Variants in ZNF385D observed in about 807,000 individuals in gnomAD.
The protein encoded by ZNF385D is zinc finger protein 659.
ZNF385D carries 15 observed loss-of-function variants against 35.8 expected under a neutral mutation model. That is an observed-to-expected ratio of 0.42 (90% CI 0.28 to 0.64). The LOEUF (loss-of-function observed/expected upper bound fraction) is 0.64, where lower values mean the gene tolerates loss of function less well. Ranked by LOEUF, ZNF385D falls within the 30% of genes least tolerant of loss-of-function variation. ZNF385D has a pLI of 0.23. For synonymous variants in ZNF385D, 212 were observed against 186.8 expected, an observed-to-expected ratio of 1.13 and a Z score of -1.10; for missense variants, 474 against 494.6, an observed-to-expected ratio of 0.96 and a Z score of 0.39.
intron 1 of ZNF385D, among the ~76,000 whole-genome samples, chr3:21,729,855 C>T (rs1174284985): frequency 1.3e-5 from 2 of 152,160 alleles, no homozygotes; most frequent in Non-Finnish European, 2.9e-5. Context: ...AATAAATCAC[C>T]AGATGACTTT....
chr3:21,597,662 T>C (rs1316169460), intron 2 of ZNF385D, among the ~76,000 whole-genome samples: 10 of 152,156 alleles, frequency 6.6e-5, no homozygotes, highest in Non-Finnish European at 1.5e-4. Context: ...AGATGGAATG[T>C]AAAAGATATA....
intron 2 of ZNF385D, among the ~76,000 whole-genome samples, chr3:22,206,826 C>G (rs78642993): frequency 1.3e-5 from 2 of 151,704 alleles, no homozygotes; most frequent in African/African-American, 4.8e-5. Flanking sequence ...AGCAGAAAAA[C>G]TTCAAATATA....
intron 3 of ZNF385D, among the ~76,000 whole-genome samples, chr3:21,919,628 G>A (rs1700357565): frequency 6.6e-6 from 1 of 152,176 alleles, no homozygotes; most frequent in Admixed American, 6.5e-5. Context: ...GATAATTGCT[G>A]CAGGCAGACT....
chr3:21,825,952 G>A (rs1339411553), intron 3 of ZNF385D, among the ~76,000 whole-genome samples: 1 of 152,180 alleles, frequency 6.6e-6, no homozygotes. Context: ...GTTGTGAACT[G>A]TGCATGCGAG....
In ZNF385D at chr3:21,801,320, G is replaced by C. The variant is rs980525019; in HGVS notation, c.326-136292C>G. Among the ~76,000 whole-genome samples, 13 of 152,136 alleles carry C rather than the reference G, an allele frequency of 8.5e-5. No individual in the cohort carries two copies. In the East Asian group the frequency reaches 2.3e-3, roughly 27 times the overall value. ...TGTCTTTATCTGGTTTTGATATCAGGGTAATACTGGACCCATAGAATGAGT... is the reference window on the plus strand; with the variant it reads ...TGTCTTTATCTGGTTTTGATATCAGCGTAATACTGGACCCATAGAATGAGT... On this transcript the variant is annotated intron_variant, in intron 3 of 5. Coordinates refer to the ZNF385D transcript ENST00000494108.
intron 3 of ZNF385D, among the ~76,000 whole-genome samples, chr3:21,889,576 C>T (rs959694983): frequency 6.6e-6 from 1 of 151,976 alleles, no homozygotes; most frequent in Non-Finnish European, 1.5e-5. Context: ...GACTTTATTG[C>T]CCCTTAACTT....
rs79676275 is a variant in ZNF385D at position 22,104,157 on chromosome 3, T to C, written c.325+64660A>G. 3.0e-4 allele frequency among the ~76,000 whole-genome samples: 46 copies of C among 152,148 alleles called. No individual in the cohort carries two copies. The East Asian group carries it at 8.5e-3, about 28-fold the overall frequency. On this transcript the variant is annotated intron_variant, in intron 3 of 5. Coordinates refer to the ZNF385D transcript ENST00000494108. Reference sequence around the variant, plus strand: ...AAATTGGTCCAGCTCTGAGGGAAAATGCATTTATGCCCCTGCAGTTGCCAT... The same window carrying C: ...AAATTGGTCCAGCTCTGAGGGAAAACGCATTTATGCCCCTGCAGTTGCCAT...
chr3:21,940,501 C>A (rs1157497149), intron 3 of ZNF385D, among the ~76,000 whole-genome samples: 1 of 152,192 alleles, frequency 6.6e-6, no homozygotes, highest in Non-Finnish European at 1.5e-5. Flanking sequence ...GTTCGTTCAA[C>A]ATTCAAGTCA....
At chr3:21,444,454 G>A (rs747679751) in intron 4 of ZNF385D, among the ~76,000 whole-genome samples, 12 of 142,514 alleles carry the variant, frequency 8.4e-5, no homozygotes, top group East Asian at 4.4e-4. Flanking sequence ...GCGCAATCCC[G>A]GCTCACTGCA....
At chr3:22,098,640 A>G (rs987223535) in intron 3 of ZNF385D, among the ~76,000 whole-genome samples, 1 of 152,122 alleles carries the variant, frequency 6.6e-6, no homozygotes, top group Non-Finnish European at 1.5e-5. Flanking sequence ...GAGGCTTGCC[A>G]TGTAGGCATG....
chr3:21,951,608 T>C (rs1253212654), intron 3 of ZNF385D, among the ~76,000 whole-genome samples: 2 of 151,594 alleles, frequency 1.3e-5, no homozygotes, highest in African/African-American at 4.9e-5. Context: ...CCCTATTTTC[T>C]GAATTAGGGT....
chr3:22,313,491 T>C (rs1002239583), intron 2 of ZNF385D, among the ~76,000 whole-genome samples: 1 of 152,150 alleles, frequency 6.6e-6, no homozygotes, highest in Non-Finnish European at 1.5e-5. Context: ...ATTTCTATTC[T>C]GGTGTGGGAG....
chr3:21,851,057 A>AAG (rs1696352440), intron 3 of ZNF385D, among the ~76,000 whole-genome samples: 1 of 151,760 alleles, frequency 6.6e-6, no homozygotes, highest in Admixed American at 6.6e-5. Context: ...AAATCAAAGG[A>AAG]CAAGGATTTT....
At chr3:22,164,829 G>A (rs1212402207) in intron 3 of ZNF385D, among the ~76,000 whole-genome samples, 1 of 151,900 alleles carries the variant, frequency 6.6e-6, no homozygotes, top group Admixed American at 6.6e-5. Flanking sequence ...AGGATAGTTC[G>A]ATGCTAAAAA....
chr3:21,615,417 G>C (rs924040556), intron 2 of ZNF385D, among the ~76,000 whole-genome samples: 1 of 152,136 alleles, frequency 6.6e-6, no homozygotes, highest in Admixed American at 6.5e-5. Context: ...CCCAGGCTCA[G>C]GTATTTGTTA....
At chr3:21,802,103 C>A (rs1188755328) in intron 3 of ZNF385D, among the ~76,000 whole-genome samples, 1 of 152,124 alleles carries the variant, frequency 6.6e-6, no homozygotes, top group Non-Finnish European at 1.5e-5. Context: ...TGCCTAAAAT[C>A]TATACATTTC....
chr3:21,828,173 T>C (rs1694770724), intron 3 of ZNF385D, among the ~76,000 whole-genome samples: 1 of 152,206 alleles, frequency 6.6e-6, no homozygotes, highest in African/African-American at 2.4e-5. Context: ...TTATAATTTC[T>C]AAAAACCAGA....
At chr3:21,786,488 G>C (rs765836698) in intron 3 of ZNF385D, among the ~76,000 whole-genome samples, 2 of 152,080 alleles carry the variant, frequency 1.3e-5, no homozygotes, top group Non-Finnish European at 2.9e-5. Context: ...GAATTATTCA[G>C]AAGTCTTTAA....
chr3:21,940,214 A>T (rs989209278), intron 3 of ZNF385D, among the ~76,000 whole-genome samples: 1 of 152,074 alleles, frequency 6.6e-6, no homozygotes, highest in Non-Finnish European at 1.5e-5. Flanking sequence ...ATATGAAAAA[A>T]ATTTTAAGTG....
Sources: gnomAD v4.1 joint callset for allele counts (sites outside exome capture counted in the v4.1 genomes callset) on GRCh38, gnomAD v4.1.1 for gene constraint, MANE v1.5 for transcripts, NCBI Gene and HGNC (gene_info 2026-07-23, HGNC 2026-07-21) for gene names.